Variants in ITGBL1 observed in about 807,000 individuals in gnomAD.
ITGBL1 encodes the protein integrin beta-like protein 1.
Under a neutral mutation model 68.5 loss-of-function variants are expected in ITGBL1, and 51 were observed. The observed-to-expected ratio is 0.74, with a 90% CI of 0.59 to 0.94. ITGBL1 has a LOEUF of 0.94. ITGBL1 is among the 40% of genes least tolerant of loss of function. The pLI, the probability that ITGBL1 is intolerant of heterozygous loss-of-function variation, is 0.00. For missense variants in ITGBL1, 649 were observed against 647.4 expected (o/e 1.00, Z -0.03); for synonymous variants, 209 against 227.3 (o/e 0.92, Z 0.72).
chr13:101,688,008 G>T (rs1403893627), intron 7 of ITGBL1, among the ~76,000 whole-genome samples: 1 of 151,948 alleles, frequency 6.6e-6, no homozygotes, highest in Non-Finnish European at 1.5e-5. Context: ...GATTTCAGAA[G>T]CCACAGTTGT....
At chr13:101,666,933 C>A (rs1388056525) in intron 7 of ITGBL1, among the ~76,000 whole-genome samples, 1 of 152,164 alleles carries the variant, frequency 6.6e-6, no homozygotes, top group Non-Finnish European at 1.5e-5. Flanking sequence ...GGGCACAAGC[C>A]ATCTGCCAAG....
intron 2 of ITGBL1, among the ~76,000 whole-genome samples, chr13:101,459,872 T>C (rs2048294431): frequency 6.6e-6 from 1 of 152,124 alleles, no homozygotes; most frequent in African/African-American, 2.4e-5. Flanking sequence ...ATGTAAAAAT[T>C]AGTAATTTTT....
At chr13:101,587,635 C>G (rs1348893752) in intron 6 of ITGBL1, among the ~76,000 whole-genome samples, 1 of 152,112 alleles carries the variant, frequency 6.6e-6, no homozygotes, top group African/African-American at 2.4e-5. Context: ...GTTCAGCTTT[C>G]CCTGCCTAAG....
chr13:101,502,053 A>G (rs1353097012), intron 2 of ITGBL1, among the ~76,000 whole-genome samples: 2 of 152,124 alleles, frequency 1.3e-5, no homozygotes, highest in African/African-American at 4.8e-5. Flanking sequence ...AAAAAATAAG[A>G]ATGTGTATTG....
intron 2 of ITGBL1, among the ~76,000 whole-genome samples, chr13:101,501,535 C>T (rs952620569): frequency 6.6e-6 from 1 of 152,104 alleles, no homozygotes; most frequent in African/African-American, 2.4e-5. Context: ...ACAATGATTA[C>T]AGTAAACAAA....
intron 2 of ITGBL1, among the ~76,000 whole-genome samples, chr13:101,543,934 T>A (rs900738499): frequency 6.6e-6 from 1 of 152,178 alleles, no homozygotes. Context: ...CTGCATTGGT[T>A]ATTCTAGTTA....
chr13:101,713,398 A>G (rs1367757387), intron 9 of ITGBL1: 1 of 152,228 alleles, frequency 6.6e-6, no homozygotes, highest in Non-Finnish European at 1.5e-5. Context: ...TAAATATGTC[A>G]AAATACTCTT....
chr13:101,527,505 C>G (rs1387325327), intron 2 of ITGBL1, among the ~76,000 whole-genome samples: 2 of 152,038 alleles, frequency 1.3e-5, no homozygotes, highest in African/African-American at 4.8e-5. Context: ...TTGAGGCTAT[C>G]ATGAATAAAA....
chr13:101,550,143 A>G (rs1439815950), intron 2 of ITGBL1, among the ~76,000 whole-genome samples: 1 of 152,116 alleles, frequency 6.6e-6, no homozygotes, highest in East Asian at 1.9e-4. Context: ...TTGGGAGAAA[A>G]TTCTCCATGG....
chr13:101,590,912 TG>T (rs200078063), intron 6 of ITGBL1, among the ~76,000 whole-genome samples: 11 of 151,942 alleles, frequency 7.2e-5, no homozygotes, highest in East Asian at 1.9e-4. Flanking sequence ...TTCTTTGTTT[TG>T]TTTTTTTTGA....
chr13:101,536,174 G>A (rs1405736407), intron 2 of ITGBL1, among the ~76,000 whole-genome samples: 1 of 151,764 alleles, frequency 6.6e-6, no homozygotes, highest in South Asian at 2.1e-4. Flanking sequence ...CTTTTAAAAG[G>A]ACTCTGCGTG....
At chr13:101,652,441 G>A (rs1219437564) in intron 7 of ITGBL1, among the ~76,000 whole-genome samples, 4 of 152,186 alleles carry the variant, frequency 2.6e-5, no homozygotes, top group South Asian at 4.1e-4. Flanking sequence ...TGGTGGAGAA[G>A]AATCAAACAG....
intron 2 of ITGBL1, among the ~76,000 whole-genome samples, chr13:101,476,237 G>C (rs2048535006): frequency 6.6e-6 from 1 of 152,042 alleles, no homozygotes; most frequent in Admixed American, 6.6e-5. Flanking sequence ...CTCTTTGCTT[G>C]TTAGTTCATT....
intron 7 of ITGBL1, among the ~76,000 whole-genome samples, chr13:101,647,924 G>T (rs2032615542): frequency 6.6e-6 from 1 of 152,166 alleles, no homozygotes; most frequent in Non-Finnish European, 1.5e-5. Flanking sequence ...GAGCGCTGGT[G>T]TGCTTGGAAA....
intron 7 of ITGBL1, among the ~76,000 whole-genome samples, chr13:101,641,683 G>T (rs977925652): frequency 6.7e-6 from 1 of 149,644 alleles, no homozygotes; most frequent in Non-Finnish European, 1.5e-5. Flanking sequence ...TTTAACATTC[G>T]GTATATCTCC....
At chr13:101,454,985 A>G (rs1251499731) in intron 2 of ITGBL1, among the ~76,000 whole-genome samples, 3 of 152,148 alleles carry the variant, frequency 2.0e-5, no homozygotes, top group Admixed American at 1.3e-4. Context: ...ATTCCTTCCC[A>G]GAGAACACCC....
chr13:101,489,133 C>G (rs1203680876), intron 2 of ITGBL1, among the ~76,000 whole-genome samples: 2 of 152,164 alleles, frequency 1.3e-5, no homozygotes, highest in Non-Finnish European at 2.9e-5. Context: ...GATTACTACT[C>G]TGTTTTAAAA....
At chr13:101,466,752 T>C (rs2048387182) in intron 2 of ITGBL1, among the ~76,000 whole-genome samples, 3 of 152,220 alleles carry the variant, frequency 2.0e-5, no homozygotes, top group Admixed American at 2.0e-4. Context: ...AGCACAGTTC[T>C]GAGTAAACAG....
rs577415682 is a variant in ITGBL1 at position 101,544,111 on chromosome 13, TGGA to T, written c.317-23580_317-23578del. Among the ~76,000 whole-genome samples, 934 of 152,332 alleles carry T rather than the reference TGGA, an allele frequency of 6.1e-3. 12 individuals are homozygous for T. The highest frequency in any genetic ancestry group is 0.021 in the African/African-American group (872 of 41,582). On this transcript the variant is annotated intron_variant, in intron 2 of 10. Transcript: ENST00000376180. Reference sequence around the variant, plus strand: ...TTGCTGGTGAGGAGCTGCGTTCCTTTGGAGGAGGAGAGGTGCTCTGCTTTTTAG... The same window carrying T: ...TTGCTGGTGAGGAGCTGCGTTCCTTTGGAGGAGAGGTGCTCTGCTTTTTAG...
Sources: gnomAD v4.1 joint callset for allele counts (sites outside exome capture counted in the v4.1 genomes callset) on GRCh38, gnomAD v4.1.1 for gene constraint, MANE v1.5 for transcripts, NCBI Gene and HGNC (gene_info 2026-07-23, HGNC 2026-07-21) for gene names.